Variants in MAP3K20 observed in about 807,000 individuals in gnomAD.
MAP3K20 encodes HCCS-4.
MAP3K20 carries 40 observed loss-of-function variants against 85.7 expected under a neutral mutation model. That is an observed-to-expected ratio of 0.47 (90% CI 0.36 to 0.61). The LOEUF (loss-of-function observed/expected upper bound fraction) is 0.61. Among genes scored for constraint, MAP3K20 ranks in the 20% least tolerant of loss-of-function variants. The probability of loss-of-function intolerance (pLI) is 0.00; values close to 1 mark genes in which losing one functional copy is unlikely to be tolerated. For missense variants in MAP3K20, 817 were observed against 961.7 expected (o/e 0.85, Z 1.99); for synonymous variants, 325 against 327.7 (o/e 0.99, Z 0.09).
intron 2 of MAP3K20, among the ~76,000 whole-genome samples, chr2:173,097,435 T>A (rs750638826): frequency 2.0e-5 from 3 of 152,156 alleles, no homozygotes; most frequent in Non-Finnish European, 4.4e-5. Context: ...TGATAATAAA[T>A]TGAACAAGAT....
intron 2 of MAP3K20, among the ~76,000 whole-genome samples, chr2:173,111,155 T>G (rs1474187458): frequency 6.6e-6 from 1 of 152,194 alleles, no homozygotes; most frequent in Non-Finnish European, 1.5e-5. Flanking sequence ...CACACTGTGG[T>G]TTTGATTTGC....
intron 2 of MAP3K20, among the ~76,000 whole-genome samples, chr2:173,162,716 A>G (rs547305414): frequency 6.6e-6 from 1 of 150,394 alleles, no homozygotes; most frequent in Admixed American, 6.6e-5. Context: ...ATTGGTGAGG[A>G]CCTTAGAGAT....
At chr2:173,129,421 T>C (rs80346678) in intron 2 of MAP3K20, among the ~76,000 whole-genome samples, 4,939 of 152,170 alleles carry the variant, frequency 0.032, 284 homozygotes, top group African/African-American at 0.11. Flanking sequence ...TATGCACCAC[T>C]AAGAAAAAAT....
In MAP3K20 at chr2:173,147,252, A is replaced by G. The variant is rs548804640; in HGVS notation, c.160-22553A>G. On this transcript the variant is annotated intron_variant, in intron 2 of 19. Transcript: ENST00000375213. The stretch of plus-strand genomic sequence containing the variant: ...TCGTTGCTTGTGCTTTTGTTGTCAT[A>G]TCTAAGAGGGCTTTGCCTAAGGTCA... Among the ~76,000 whole-genome samples the G allele has an allele frequency of 3.3e-5, 5 of 152,264 alleles. No homozygotes were observed. In the South Asian group the frequency reaches 1.0e-3, roughly 32 times the overall value.
chr2:173,144,199 C>T (rs1689059116), intron 2 of MAP3K20, among the ~76,000 whole-genome samples: 2 of 151,760 alleles, frequency 1.3e-5, no homozygotes, highest in South Asian at 4.2e-4. Context: ...TGTGGTGGCT[C>T]ACGCCTGTAA....
chr2:173,218,484 G>A (rs1684141568), intron 11 of MAP3K20, among the ~76,000 whole-genome samples: 3 of 152,190 alleles, frequency 2.0e-5, no homozygotes, highest in Non-Finnish European at 4.4e-5. Flanking sequence ...TGAGAAAGAC[G>A]ATGAGGGAAG....
intron 1 of MAP3K20, chr2:173,090,754 T>G: frequency 9.1e-7 from 1 of 1,096,098 alleles, no homozygotes; most frequent in South Asian, 3.2e-5. Flanking sequence ...CTGGGGGATA[T>G]CTGAGCCATT....
intron 2 of MAP3K20, among the ~76,000 whole-genome samples, chr2:173,144,096 G>T (rs1310544611): frequency 1.3e-5 from 2 of 151,656 alleles, no homozygotes; most frequent in Non-Finnish European, 2.9e-5. Flanking sequence ...GGGTATTCAA[G>T]ACCAGCCTGT....
At chr2:173,134,380 GTGTGTCTCTATAC>G (rs2106204746) in intron 2 of MAP3K20, among the ~76,000 whole-genome samples, 1 of 93,444 alleles carries the variant, frequency 1.1e-5, no homozygotes, top group South Asian at 3.6e-4. Flanking sequence ...GTGTGTGTGT[GTGTGTCTCTATAC>G]ATATATATAT....
rs1309531732 is a variant in MAP3K20, at chr2:173,088,899, C to A, written c.-34-2099C>A. Among the ~76,000 whole-genome samples, 10 of 152,276 alleles carry A rather than the reference C, an allele frequency of 6.6e-5. No homozygotes were observed. In the East Asian group the frequency reaches 1.9e-3, roughly 29 times the overall value. ...ACTATATTTGGATACTATGATCTTT[C>A]CCTCACTCATATTTTTATGTGGAGT... On this transcript the variant is annotated intron_variant, in intron 1 of 19. Transcript: ENST00000375213.
intron 3 of MAP3K20, among the ~76,000 whole-genome samples, chr2:173,177,725 C>T (rs532778761): frequency 1.6e-4 from 24 of 152,098 alleles, no homozygotes; most frequent in African/African-American, 4.8e-4. Context: ...CCACCACACC[C>T]GTCCAGAAAT....
intron 12 of MAP3K20, among the ~76,000 whole-genome samples, chr2:173,231,879 C>T (rs760648313): frequency 1.2e-4 from 19 of 152,158 alleles, no homozygotes; most frequent in Non-Finnish European, 2.6e-4. Flanking sequence ...CCTCAGCAAT[C>T]CAGGGGACCA....
intron 2 of MAP3K20, among the ~76,000 whole-genome samples, chr2:173,152,915 T>C (rs1292710883): frequency 6.6e-6 from 1 of 152,228 alleles, no homozygotes; most frequent in Non-Finnish European, 1.5e-5. Context: ...CCTGTTGAAG[T>C]GGCTTCTGAT....
At chr2:173,164,366 T>C (rs1280348863) in intron 2 of MAP3K20, among the ~76,000 whole-genome samples, 2 of 152,248 alleles carry the variant, frequency 1.3e-5, no homozygotes, top group African/African-American at 4.8e-5. Context: ...TTTTGAAAAG[T>C]GTCTATGCAT....
intron 3 of MAP3K20, among the ~76,000 whole-genome samples, chr2:173,174,530 A>G (rs76902017): frequency 2.0e-5 from 3 of 152,226 alleles, no homozygotes; most frequent in Non-Finnish European, 2.9e-5. Flanking sequence ...TGCAAAGGAC[A>G]TGAACTCATC....
intron 11 of MAP3K20, chr2:173,222,514 G>C: frequency 1.0e-6 from 1 of 985,828 alleles, no homozygotes; most frequent in Admixed American, 6.1e-5. Context: ...GAAAGAGGTG[G>C]TCTTAAGGGG....
At chr2:173,173,473 G>A (rs79649786) in intron 3 of MAP3K20, among the ~76,000 whole-genome samples, 284 of 152,208 alleles carry the variant, frequency 1.9e-3, no homozygotes, top group African/African-American at 6.7e-3. Flanking sequence ...TCTATTACTC[G>A]TCTAAGAGAG....
intron 16 of MAP3K20, among the ~76,000 whole-genome samples, chr2:173,245,049 T>C (rs965140207): frequency 6.6e-6 from 1 of 152,142 alleles, no homozygotes; most frequent in South Asian, 2.1e-4. Context: ...ATGGCAGCCA[T>C]TGAGAATAAG....
rs575533480 is a variant in MAP3K20, at chr2:173,238,307, C to T, written c.1204-66C>T. ...AAATAAGGAATGTTTTTGTTTGTAC[C>T]CAATGATTTTAGTCTTCTCTTGGTA... On this transcript the variant is annotated intron_variant, in intron 14 of 19. Transcript: ENST00000375213. 5.1e-6 allele frequency: 7 copies of T among 1,375,548 alleles called. No homozygotes were observed. In the East Asian group the frequency reaches 1.6e-4, roughly 32 times the overall value. 85.2% of individuals were successfully genotyped at this position (1,375,548 alleles called of 1,614,324 possible). A position where few individuals can be genotyped will look rare whatever the true frequency, so the allele number is the denominator to read the frequency against.
Sources: allele counts gnomAD v4.1 joint callset (sites outside exome capture counted in the v4.1 genomes callset), GRCh38; gene constraint gnomAD v4.1.1; transcripts MANE v1.5; gene names NCBI Gene and HGNC (gene_info 2026-07-23, HGNC 2026-07-21).